VWC2: variants seen among roughly 807,000 people sequenced by gnomAD.
The protein encoded by VWC2 is von Willebrand factor C domain containing 2.
Under a neutral mutation model 29.8 loss-of-function variants are expected in VWC2, and 14 were observed. That is an observed-to-expected ratio of 0.47 (90% CI 0.31 to 0.74). The LOEUF (loss-of-function observed/expected upper bound fraction) is 0.74. Ranked by LOEUF, VWC2 falls within the 30% of genes least tolerant of loss-of-function variation. VWC2 has a pLI of 0.05. For missense variants in VWC2, 457 were observed against 459.8 expected (o/e 0.99, Z 0.05); for synonymous variants, 213 against 199.0 (o/e 1.07, Z -0.59).
In VWC2 at chr7:49,838,203, C is replaced by T. The variant is rs763590723; in HGVS notation, c.826+35363C>T. ...TAGGAGGCAGAGGCAGGGCTTATAA[C>T]CTCAGTAACGTAAGTACATGCTGGG... On this transcript the variant is annotated intron_variant, in intron 3 of 3. Coordinates refer to ENST00000340652, the MANE Select transcript of VWC2 (RefSeq NM_198570.5). 7.2e-5 allele frequency among the ~76,000 whole-genome samples: 11 copies of T among 152,314 alleles called. 1 individual carries two copies. The Middle Eastern group carries it at 0.01, about 141-fold the overall frequency.
chr7:49,836,638 CAATAAATAAATAAATAAATA>C (rs3062195), intron 3 of VWC2, among the ~76,000 whole-genome samples: 6 of 145,350 alleles, frequency 4.1e-5, no homozygotes, highest in African/African-American at 1.3e-4. Flanking sequence ...GACTCCATCT[CAATAAATAAATAAATAAATA>C]AATAAATAAA....
At chr7:49,801,016 C>A (rs2128705636) in intron 2 of VWC2, among the ~76,000 whole-genome samples, 1 of 152,172 alleles carries the variant, frequency 6.6e-6, no homozygotes, top group African/African-American at 2.4e-5. Context: ...TCAAAGTTTC[C>A]TTTCTTTTTT....
Position 49,912,144 on chromosome 7 carries a change from C to G in VWC2, c.937C>G (p.Arg313Gly), listed in dbSNP as rs1428418971. Residue 313 changes from arginine (R) to glycine (G), a missense_variant, in exon 4 of 4, where the codon CGG (arginine) becomes GGG (glycine). By Grantham distance (125) the Arg-to-Gly change is moderately radical. Coordinates refer to ENST00000340652, the MANE Select transcript of VWC2 (RefSeq NM_198570.5). ...TYEEGTWRIE[R>G]QAMCTRHECR... ...TGAGGAAGGCACATGGAGAATCGAG[C>G]GGCAGGCCATGTGCACGAGACATGA... The G allele has an allele frequency of 1.9e-6, 3 of 1,613,844 alleles. No homozygotes were observed.
chr7:49,813,930 T>A (rs1354816543), intron 3 of VWC2, among the ~76,000 whole-genome samples: 1 of 152,228 alleles, frequency 6.6e-6, no homozygotes, highest in African/African-American at 2.4e-5. Flanking sequence ...TTTTTCTTGG[T>A]GCTGAAGCCT....
chr7:49,899,864 A>G (rs1792617992), intron 3 of VWC2, among the ~76,000 whole-genome samples: 1 of 151,956 alleles, frequency 6.6e-6, no homozygotes, highest in African/African-American at 2.4e-5. Context: ...ACAATAGCAT[A>G]ATACACATTA....
intron 3 of VWC2, among the ~76,000 whole-genome samples, chr7:49,905,404 G>A (rs1793032521): frequency 6.6e-6 from 1 of 152,164 alleles, no homozygotes; most frequent in Admixed American, 6.5e-5. Context: ...AGAGTCATCA[G>A]GGACTAAATA....
rs139219341 is a variant in VWC2, at chr7:49,851,080, C to T, written c.826+48240C>T. On this transcript the variant is annotated intron_variant, in intron 3 of 3. Coordinates refer to ENST00000340652, the MANE Select transcript of VWC2 (RefSeq NM_198570.5). ...AGTCAGTTTCTTCTGGAGGTTCCGACGGCTGCTCCCTTACATGCCTCTCTC... is the reference window on the plus strand; with the variant it reads ...AGTCAGTTTCTTCTGGAGGTTCCGATGGCTGCTCCCTTACATGCCTCTCTC... Among the ~76,000 whole-genome samples the T allele has an allele frequency of 4.0e-4, 61 of 152,306 alleles. No individual in the cohort carries two copies. The East Asian group carries it at 6.6e-3, about 16-fold the overall frequency.
chr7:49,803,387 C>G (rs180775863), intron 3 of VWC2, among the ~76,000 whole-genome samples: 1 of 152,150 alleles, frequency 6.6e-6, no homozygotes, highest in Non-Finnish European at 1.5e-5. Context: ...TCCTGACAAA[C>G]GATGATTACT....
At chr7:49,892,955 CACTTAAGTTGTTTA>C (rs1792207581) in intron 3 of VWC2, among the ~76,000 whole-genome samples, 1 of 151,492 alleles carries the variant, frequency 6.6e-6, no homozygotes, top group Non-Finnish European at 1.5e-5. Context: ...GAAGAATCCT[CACTTAAGTTGTTTA>C]ATGAAGCCTG....
In VWC2 at chr7:49,911,979, T is replaced by C. The variant is rs115729805; in HGVS notation, c.827-55T>C. 2.7e-4 allele frequency: 378 copies of C among 1,381,824 alleles called. 1 individual carries two copies. In the African/African-American group the frequency reaches 5.1e-3, roughly 19 times the overall value. 85.6% of individuals were successfully genotyped at this position (1,381,824 alleles called of 1,614,324 possible). A position where few individuals can be genotyped will look rare whatever the true frequency, so the allele number is the denominator to read the frequency against. On this transcript the variant is annotated intron_variant, in intron 3 of 3. Transcript: ENST00000340652. ...TACTGTAATGCTTAATACCTAATTA[T>C]ATATATTATATATTTATGCACACAT... is the stretch of plus-strand genomic sequence containing the variant.
At chr7:49,888,788 G>T (rs1583760442) in intron 3 of VWC2, among the ~76,000 whole-genome samples, 5 of 152,298 alleles carry the variant, frequency 3.3e-5, no homozygotes, top group Admixed American at 3.3e-4. Flanking sequence ...GCAGGCGCCT[G>T]TAATCTCAGC....
rs1788091496 is a variant in VWC2, at chr7:49,778,174, G to A, written c.696+2043G>A. Among the ~76,000 whole-genome samples, 6 of 151,988 alleles carry A rather than the reference G, an allele frequency of 3.9e-5. No individual in the cohort carries two copies. The South Asian group carries it at 1.2e-3, about 32-fold the overall frequency. ...TGAAGCTGCTTTTGTCTATGGAGGA[G>A]AGGGATCTCTCATTTAATTTCCTCT... On this transcript the variant is annotated intron_variant, in intron 2 of 3. Transcript: ENST00000340652.
At chr7:49,880,581 T>TTTTA (rs10645724) in intron 3 of VWC2, among the ~76,000 whole-genome samples, 2,039 of 151,540 alleles carry the variant, frequency 0.013, 51 homozygotes, top group African/African-American at 0.047. Context: ...TATTTTTTAT[T>TTTTA]TTTATTTATT....
In VWC2 at chr7:49,830,421, C is replaced by T. The variant is rs554675890; in HGVS notation, c.826+27581C>T. ...ACTGCTGGGATTTGATTTCAAAATTCGTTAATTCACCTTGTATTATTATTG... is the reference window on the plus strand; with the variant it reads ...ACTGCTGGGATTTGATTTCAAAATTTGTTAATTCACCTTGTATTATTATTG... On this transcript the variant is annotated intron_variant, in intron 3 of 3. Coordinates refer to ENST00000340652, the MANE Select transcript of VWC2 (RefSeq NM_198570.5). Among the ~76,000 whole-genome samples, 13 of 152,152 alleles carry T rather than the reference C, an allele frequency of 8.5e-5. No individual in the cohort carries two copies. The East Asian group carries it at 1.5e-3, about 18-fold the overall frequency.
intron 3 of VWC2, among the ~76,000 whole-genome samples, chr7:49,820,515 A>C (rs142627938): frequency 3.2e-4 from 48 of 152,312 alleles, no homozygotes; most frequent in African/African-American, 1.1e-3. Context: ...ATACAAATTT[A>C]TTTTTAAAAA....
At chr7:49,889,630 C>T (rs1266670083) in intron 3 of VWC2, among the ~76,000 whole-genome samples, 7 of 152,186 alleles carry the variant, frequency 4.6e-5, no homozygotes, top group Admixed American at 3.9e-4. Context: ...AATGGCCATC[C>T]ATGCAGACCC....
intron 3 of VWC2, among the ~76,000 whole-genome samples, chr7:49,890,982 T>C (rs147097430): frequency 5.6e-4 from 86 of 152,254 alleles, no homozygotes; most frequent in Non-Finnish European, 9.9e-4. Flanking sequence ...AAAGATGGGC[T>C]AAATAGGAAA....
intron 3 of VWC2, among the ~76,000 whole-genome samples, chr7:49,815,549 A>G (rs1241883756): frequency 6.6e-6 from 1 of 152,224 alleles, no homozygotes; most frequent in African/African-American, 2.4e-5. Flanking sequence ...CATAAACCTT[A>G]CAATATTTTA....
chr7:49,866,239 A>G (rs1254859949), intron 3 of VWC2, among the ~76,000 whole-genome samples: 2 of 152,158 alleles, frequency 1.3e-5, no homozygotes, highest in East Asian at 1.9e-4. Context: ...AGATGTGTTC[A>G]CTGGGTATGC....
Sources: gnomAD v4.1 joint callset for allele counts (sites outside exome capture counted in the v4.1 genomes callset) on GRCh38, gnomAD v4.1.1 for gene constraint, MANE v1.5 for transcripts, NCBI Gene and HGNC (gene_info 2026-07-23, HGNC 2026-07-21) for gene names.